NCKAP5: variants seen among roughly 807,000 people sequenced by gnomAD.
NCKAP5 encodes the protein NCK associated protein 5.
A neutral mutation model predicts 167.0 loss-of-function variants in NCKAP5; 92 were observed. The observed-to-expected ratio is 0.55, with a 90% confidence interval of 0.47 to 0.66. The LOEUF (loss-of-function observed/expected upper bound fraction) is 0.66. NCKAP5 is among the 30% of genes least tolerant of loss of function. The pLI, the probability that NCKAP5 is intolerant of heterozygous loss-of-function variation, is 0.00. For synonymous variants in NCKAP5, 891 were observed against 877.4 expected (o/e 1.02, Z -0.27); for missense variants, 2,378 against 2,315.0 (o/e 1.03, Z -0.56).
chr2:133,516,494 T>C (rs892593378), intron 3 of NCKAP5, among the ~76,000 whole-genome samples: 1 of 152,140 alleles, frequency 6.6e-6, no homozygotes, highest in Admixed American at 6.5e-5. Context: ...AACACAATCC[T>C]CTTCTCAAGT....
chr2:133,342,007 C>T (rs1683622612), intron 3 of NCKAP5, among the ~76,000 whole-genome samples: 2 of 152,038 alleles, frequency 1.3e-5, no homozygotes, highest in Admixed American at 6.5e-5. Flanking sequence ...GGTGCGATCT[C>T]GACTTACTGC....
intron 16 of NCKAP5, among the ~76,000 whole-genome samples, chr2:132,750,758 A>G (rs1016404576): frequency 6.6e-6 from 1 of 152,240 alleles, no homozygotes; most frequent in Admixed American, 6.5e-5. Context: ...GGGATTAAGC[A>G]GAAAGCCAGG....
At chr2:133,203,047 C>T (rs1243264551) in intron 5 of NCKAP5, among the ~76,000 whole-genome samples, 2 of 152,124 alleles carry the variant, frequency 1.3e-5, no homozygotes, top group African/African-American at 4.8e-5. Flanking sequence ...TGGGTATATA[C>T]CCAGAGGATT....
intron 5 of NCKAP5, among the ~76,000 whole-genome samples, chr2:133,134,791 T>C (rs955447364): frequency 1.3e-5 from 2 of 152,224 alleles, no homozygotes; most frequent in Non-Finnish European, 2.9e-5. Context: ...TGACCTTTTC[T>C]CCTGATAATT....
intron 3 of NCKAP5, among the ~76,000 whole-genome samples, chr2:133,454,970 A>G (rs896024011): frequency 6.6e-6 from 1 of 152,094 alleles, no homozygotes; most frequent in Non-Finnish European, 1.5e-5. Context: ...CATTGGCATG[A>G]TATACTCAAC....
At chr2:133,360,727 C>T (rs955099595) in intron 3 of NCKAP5, among the ~76,000 whole-genome samples, 1 of 151,966 alleles carries the variant, frequency 6.6e-6, no homozygotes, top group Non-Finnish European at 1.5e-5. Context: ...ATTCTCTATA[C>T]TACAATTGAT....
At chr2:133,627,482 A>C in the NCKAP5 span, among the ~76,000 whole-genome samples, 1 of 152,160 alleles carries the variant, frequency 6.6e-6, no homozygotes, top group Non-Finnish European at 1.5e-5. Context: ...TACATTAAGA[A>C]ACATTTTTTA....
At chr2:133,461,065 C>T (rs1692168895) in intron 3 of NCKAP5, among the ~76,000 whole-genome samples, 1 of 152,080 alleles carries the variant, frequency 6.6e-6, no homozygotes, top group Non-Finnish European at 1.5e-5. Flanking sequence ...TCTTCCTGAA[C>T]AAGCAACACA....
chr2:133,464,632 G>A (rs1046105216), intron 3 of NCKAP5, among the ~76,000 whole-genome samples: 4 of 152,108 alleles, frequency 2.6e-5, no homozygotes, highest in Admixed American at 2.6e-4. Flanking sequence ...AGAGCTTTCA[G>A]TGAGCCGAGA....
intron 16 of NCKAP5, among the ~76,000 whole-genome samples, chr2:132,741,505 GGTCCT>G (rs1243883920): frequency 6.6e-6 from 1 of 151,964 alleles, no homozygotes; most frequent in African/African-American, 2.4e-5. Flanking sequence ...CAGACTCCTA[GGTCCT>G]GTTTTAAGAG....
intron 16 of NCKAP5, among the ~76,000 whole-genome samples, chr2:132,755,814 G>A (rs1680494461): frequency 6.9e-6 from 1 of 145,598 alleles, no homozygotes; most frequent in African/African-American, 2.7e-5. Flanking sequence ...CTGGGTGACA[G>A]AGCGAGATTC....
chr2:133,668,330 A>G, the NCKAP5 span, among the ~76,000 whole-genome samples: 1 of 152,066 alleles, frequency 6.6e-6, no homozygotes, highest in Non-Finnish European at 1.5e-5. Context: ...TGGAAACACT[A>G]CGCTTAGCAT....
chr2:132,784,954 G>T lies in NCKAP5; in HGVS notation c.1857C>A (p.Val619=), dbSNP rs1208514903. 1.2e-6 allele frequency: 2 copies of T among 1,609,986 alleles called. No individual in the cohort carries two copies. The highest frequency in any genetic ancestry group is 1.7e-6 in the Non-Finnish European group (2 of 1,177,844). The change falls in exon 14 of 20, where the codon GTC becomes GTA. Residue 619 remains valine (V), a synonymous_variant. Coordinates refer to ENST00000409261, the MANE Select transcript of NCKAP5 (RefSeq NM_207363.3). The part of the protein sequence containing the change: ...DTDKSVENLD[V]LVGFGKSLCG... The stretch of plus-strand genomic sequence containing the variant: ...ATAGAGATTTTCCAAACCCCACAAG[G>T]ACATCCAGGTTCTCCACGGACTTAT...
At chr2:133,359,291 T>C (rs1383044315) in intron 3 of NCKAP5, among the ~76,000 whole-genome samples, 3 of 152,238 alleles carry the variant, frequency 2.0e-5, no homozygotes, top group Non-Finnish European at 4.4e-5. Context: ...GTCTTACAAC[T>C]GCCCCACTTC....
rs7422466 is a variant in NCKAP5 at position 132,920,755 on chromosome 2, A to G, written c.580-41839T>C. Reference sequence around the variant, plus strand: ...TATGTATATATATGTGTATATATATATGTATATATATGTATGTATATATAT... The same window carrying G: ...TATGTATATATATGTGTATATATATGTGTATATATATGTATGTATATATAT... On this transcript the variant is annotated intron_variant, in intron 8 of 19. Coordinates refer to ENST00000409261, the MANE Select transcript of NCKAP5 (RefSeq NM_207363.3). 5.0e-4 allele frequency among the ~76,000 whole-genome samples: 42 copies of G among 84,144 alleles called. 2 individuals are homozygous for G. The highest frequency in any genetic ancestry group is 2.1e-3 in the African/African-American group (37 of 17,990). 55.2% of individuals were successfully genotyped at this position (84,144 alleles called of 152,430 possible).
intron 8 of NCKAP5, among the ~76,000 whole-genome samples, chr2:132,936,808 C>T (rs1388378046): frequency 6.6e-6 from 1 of 152,080 alleles, no homozygotes; most frequent in African/African-American, 2.4e-5. Context: ...TTCTAAAATG[C>T]ATATGTATCA....
At chr2:133,345,076 C>G (rs921920710) in intron 3 of NCKAP5, among the ~76,000 whole-genome samples, 2 of 152,032 alleles carry the variant, frequency 1.3e-5, no homozygotes, top group African/African-American at 4.8e-5. Context: ...GAGGAGGCAA[C>G]CTTTTATAGA....
At chr2:133,156,438 T>G (rs2083580236) in intron 5 of NCKAP5, among the ~76,000 whole-genome samples, 1 of 152,148 alleles carries the variant, frequency 6.6e-6, no homozygotes. Context: ...TCCAGGCATC[T>G]CCAGGTAGCC....
chr2:132,718,030 A>C (rs965155743), intron 19 of NCKAP5, among the ~76,000 whole-genome samples: 5 of 152,204 alleles, frequency 3.3e-5, no homozygotes, highest in African/African-American at 1.2e-4. Flanking sequence ...CTGAGTGGCC[A>C]ACAATACGGC....
Sources: gnomAD v4.1 joint callset for allele counts (sites outside exome capture counted in the v4.1 genomes callset) on GRCh38, gnomAD v4.1.1 for gene constraint, MANE v1.5 for transcripts, NCBI Gene and HGNC (gene_info 2026-07-23, HGNC 2026-07-21) for gene names.